TK2: variants seen among roughly 807,000 people sequenced by gnomAD.
TK2 encodes the protein thymidine kinase 2, mitochondrial.
Under a neutral mutation model 41.9 loss-of-function variants are expected in TK2, and 35 were observed. The observed-to-expected ratio is 0.84, with a 90% CI of 0.64 to 1.11. The LOEUF (loss-of-function observed/expected upper bound fraction) is 1.11. Ranked by LOEUF, TK2 falls within the 50% of genes least tolerant of loss-of-function variation. The probability of loss-of-function intolerance (pLI) is 0.00; values close to 1 mark genes in which losing one functional copy is unlikely to be tolerated. For synonymous variants in TK2, 128 were observed against 129.1 expected (o/e 0.99, Z 0.06); for missense variants, 320 against 351.1 (o/e 0.91, Z 0.71).
chr16:66,511,475 A>C lies in TK2; in HGVS notation c.*493T>G. ...GGAGGAGGCAGCCCAGGGCAAGGGA[A>C]AGTTGCTGAGTCGGCTGAAAGTCTG... On this transcript the variant is annotated 3_prime_UTR_variant, in exon 10 of 10. Transcript: ENST00000544898. The C allele has an allele frequency of 4.1e-6, 1 of 242,726 alleles. No individual in the cohort carries two copies. Among genetic ancestry groups the C allele is most frequent in the Non-Finnish European group, 8.2e-6 (1 of 121,730 alleles). 15.0% of individuals were successfully genotyped at this position (242,726 alleles called of 1,614,324 possible). A position where few individuals can be genotyped will look rare whatever the true frequency, so the allele number is the denominator to read the frequency against.
intron 3 of TK2, among the ~76,000 whole-genome samples, 156 bp downstream of exon 3, chr16:66,541,723 T>G (rs1163777584): frequency 6.6e-6 from 1 of 152,092 alleles, no homozygotes; most frequent in Non-Finnish European, 1.5e-5. Context: ...GCCCCTTTTG[T>G]TTTTTTAATG....
At chr16:66,547,833 G>A in intron 2 of TK2, 20 of 1,180,620 alleles carry the variant, frequency 1.7e-5, no homozygotes, top group Non-Finnish European at 2.0e-5. Context: ...CTGAATGCAG[G>A]CTCCATACCA....
At chr16:66,549,329 C>T in intron 1 of TK2, 1 of 1,170,944 alleles carries the variant, frequency 8.5e-7, no homozygotes, top group Non-Finnish European at 1.1e-6. Context: ...AGAACAGCCT[C>T]CACTCGCGGT....
Position 66,531,449 on chromosome 16 carries a change from G to A in TK2, c.306C>T (p.Ala102=). ...HNPLGLMYHD[A]SRWGLTLQTY... Reference sequence around the variant, plus strand: ...TCTGTAGCGTAAGACCCCAGCGAGAGGCATCGTGGTACATCAGGCCCTGCA... The same window carrying A: ...TCTGTAGCGTAAGACCCCAGCGAGAAGCATCGTGGTACATCAGGCCCTGCA... The change falls in exon 5 of 10, where the codon GCC becomes GCT. Residue 102 remains alanine, a synonymous_variant. Transcript: ENST00000544898. 2.5e-6 allele frequency: 4 copies of A among 1,614,166 alleles called. No homozygotes were observed. The highest frequency in any genetic ancestry group is 3.4e-6 in the Non-Finnish European group (4 of 1,180,022).
intron 1 of TK2, chr16:66,549,285 C>A (rs910847118): frequency 1.6e-5 from 20 of 1,251,868 alleles, no homozygotes; most frequent in Non-Finnish European, 1.9e-5. Flanking sequence ...TTATTTAGAT[C>A]TTCACAGACT....
intron 6 of TK2, among the ~76,000 whole-genome samples, chr16:66,522,643 G>A (rs1053818716): frequency 6.6e-6 from 1 of 152,174 alleles, no homozygotes; most frequent in African/African-American, 2.4e-5. Context: ...GAGGCAGGCA[G>A]ATCACCTGAG....
Position 66,529,037 on chromosome 16 carries a change from T to A in TK2, c.406A>T (p.Ile136Phe). ...VSSVRLMERS[I>F]HSARYIFVEN... ...ACAAAAATGTATCTTGCGCTGTGAATCGACCTCTCCATCAACCGTACAGAT... is the reference window on the plus strand; with the variant it reads ...ACAAAAATGTATCTTGCGCTGTGAAACGACCTCTCCATCAACCGTACAGAT... Residue 136 changes from isoleucine (I) to phenylalanine (F), a missense_variant, in exon 6 of 10, where the codon ATT (isoleucine) becomes TTT (phenylalanine). Coordinates refer to ENST00000544898, the MANE Select transcript of TK2 (RefSeq NM_004614.5). 6.2e-7 allele frequency: 1 copy of A among 1,614,128 alleles called. No homozygotes were observed. The highest frequency in any genetic ancestry group is 8.5e-7 in the Non-Finnish European group (1 of 1,180,034).
Position 66,531,369 on chromosome 16 carries a change from C to G in TK2, c.375+11G>C, listed in dbSNP as rs1965105165. On this transcript the variant is annotated intron_variant, in intron 5 of 9. Transcript: ENST00000544898. ...GTTTAAGAAGGCTGAAACTGAGCAT[C>G]TGAAACCTACCTGAGGACGAGTATG... 1.2e-6 allele frequency: 2 copies of G among 1,614,022 alleles called. No individual in the cohort carries two copies. The highest frequency in any genetic ancestry group is 1.7e-6 in the Non-Finnish European group (2 of 1,179,848).
intron 4 of TK2, 71 bp from the exon 5 acceptor site, chr16:66,531,540 C>T: frequency 6.9e-7 from 1 of 1,458,770 alleles, no homozygotes; most frequent in Non-Finnish European, 9.6e-7. Context: ...TCACAAGGCA[C>T]TGAAGGACAG....
chr16:66,510,716 T>G lies in TK2; in HGVS notation c.*1252A>C, dbSNP rs1458513480. On this transcript the variant is annotated 3_prime_UTR_variant, in exon 10 of 10. Coordinates refer to ENST00000544898, the MANE Select transcript of TK2 (RefSeq NM_004614.5). ...CATCTAGTCTTCTTGAAGCTCTCTC[T>G]GCCCACCTCCAAAGCTTCAGGACCA... The G allele has an allele frequency of 6.6e-6, 1 of 152,238 alleles. No individual in the cohort carries two copies. Among genetic ancestry groups the G allele is most frequent in the African/African-American group, 2.4e-5 (1 of 41,458 alleles). 9.4% of individuals were successfully genotyped at this position (152,238 alleles called of 1,614,324 possible).
intron 2 of TK2, among the ~76,000 whole-genome samples, chr16:66,546,877 G>A (rs1238066471): frequency 4.0e-5 from 6 of 151,572 alleles, no homozygotes; most frequent in African/African-American, 4.8e-5. Flanking sequence ...TCAGCCTCCC[G>A]AGTAGCTAGG....
chr16:66,540,681 G>A (rs761032662), intron 3 of TK2, among the ~76,000 whole-genome samples: 34 of 152,216 alleles, frequency 2.2e-4, no homozygotes, highest in Non-Finnish European at 4.4e-4. Context: ...TAGTTTTAGT[G>A]ACTAGGCTTT....
At chr16:66,519,963 A>G (rs967052042) in intron 6 of TK2, among the ~76,000 whole-genome samples, 6 of 152,204 alleles carry the variant, frequency 3.9e-5, no homozygotes, top group African/African-American at 1.2e-4. Flanking sequence ...GGGCCCTAAC[A>G]GCAAGGCATG....
At chr16:66,520,082 C>T (rs1357228863) in intron 6 of TK2, among the ~76,000 whole-genome samples, 2 of 152,106 alleles carry the variant, frequency 1.3e-5, no homozygotes, top group Admixed American at 1.3e-4. Flanking sequence ...AGAACAGCAG[C>T]GGGGCCTGAG....
chr16:66,533,776 G>A (rs558079180), intron 4 of TK2, among the ~76,000 whole-genome samples: 1 of 152,102 alleles, frequency 6.6e-6, no homozygotes, highest in South Asian at 2.1e-4. Context: ...GGGAGGCCGA[G>A]GTGCGCGGAT....
Position 66,548,892 on chromosome 16 carries a change from T to G in TK2, c.156+86A>C, listed in dbSNP as rs200226293. ...TATTTTTGCTTTTTACTATGGAATGTATTTTTGCTTTTTACTCTGCTTTTT... is the reference window on the plus strand; with the variant it reads ...TATTTTTGCTTTTTACTATGGAATGGATTTTTGCTTTTTACTCTGCTTTTT... On this transcript the variant is annotated intron_variant, in intron 2 of 9. Transcript: ENST00000544898. 3.0e-6 allele frequency: 4 copies of G among 1,321,756 alleles called. No homozygotes were observed. The Admixed American group carries it at 7.1e-5, about 23-fold the overall frequency. 81.9% of individuals were successfully genotyped at this position (1,321,756 alleles called of 1,614,324 possible).
At chr16:66,547,186 C>G (rs930733121) in intron 2 of TK2, among the ~76,000 whole-genome samples, 1 of 152,190 alleles carries the variant, frequency 6.6e-6, no homozygotes, top group Non-Finnish European at 1.5e-5. Flanking sequence ...CTGGACATCT[C>G]TCCTCACCCA....
In TK2 at chr16:66,517,997, A is replaced by G; in HGVS notation, c.450-120T>C. ...GGAGTCACCAAGGGTACCAGGGCAC[A>G]GTGTGATCCGTGCAATACTGGACAT... On this transcript the variant is annotated intron_variant, in intron 6 of 9. Transcript: ENST00000544898. The surrounding 1 kb of genome is among the most constrained non-coding windows in gnomAD (Gnocchi z 4.3). 1.2e-6 allele frequency: 1 copy of G among 830,758 alleles called. No homozygotes were observed. Among genetic ancestry groups the G allele is most frequent in the East Asian group, 2.5e-5 (1 of 40,326 alleles). 51.5% of individuals were successfully genotyped at this position (830,758 alleles called of 1,614,324 possible).
At chr16:66,549,190 C>A in intron 1 of TK2, 181 bp from the exon 2 acceptor site, 1 of 1,463,344 alleles carries the variant, frequency 6.8e-7, no homozygotes. Flanking sequence ...ATGTGCCACC[C>A]TGGGCTGCAG....
Sources: gnomAD v4.1 joint callset for allele counts (sites outside exome capture counted in the v4.1 genomes callset) on GRCh38, gnomAD v4.1.1 for gene constraint, Gnocchi (gnomAD v3.1) non-coding constraint, MANE v1.5 for transcripts, NCBI Gene and HGNC (gene_info 2026-07-23, HGNC 2026-07-21) for gene names.